The following GRIN2B variants were observed in gnomAD, a reference collection of about 807,000 sequenced individuals.
The protein encoded by GRIN2B is glutamate receptor ionotropic, NMDA 2B.
In GRIN2B, 5 loss-of-function variants were observed where a neutral mutation model predicts 114.5. The ratio of observed to expected loss-of-function variants is 0.04; its 90% CI spans 0.02 to 0.09. The LOEUF (loss-of-function observed/expected upper bound fraction) is 0.09, where lower values mean the gene tolerates loss of function less well. Among genes scored for constraint, GRIN2B ranks in the 10% least tolerant of loss-of-function variants. The pLI is 1.00. For missense variants in GRIN2B, 1,108 were observed against 1,943.5 expected (o/e 0.57, Z 8.08); for synonymous variants, 787 against 745.1 (o/e 1.06, Z -0.92).
intron 2 of GRIN2B, among the ~76,000 whole-genome samples, chr12:13,885,857 T>A (rs923506632): frequency 5.3e-5 from 8 of 152,218 alleles, no homozygotes; most frequent in African/African-American, 1.9e-4. Context: ...ATGCAGTGTT[T>A]CTCAAAATAA....
At chr12:13,626,048 C>A (rs1056649123) in intron 5 of GRIN2B, among the ~76,000 whole-genome samples, 4 of 152,178 alleles carry the variant, frequency 2.6e-5, no homozygotes, top group African/African-American at 9.7e-5. Context: ...ACTCTCCATC[C>A]TTGGGAAGCC....
At position 13,819,483 on chromosome 12, in the gene GRIN2B, A is replaced by C. The variant is rs186471022; in HGVS notation, c.411+46315T>G. 1.7e-3 allele frequency among the ~76,000 whole-genome samples: 254 copies of C among 152,240 alleles called. 1 individual carries two copies. The highest frequency in any genetic ancestry group is 5.8e-3 in the African/African-American group (242 of 41,546). On this transcript the variant is annotated intron_variant, in intron 3 of 13. Transcript: ENST00000609686. ...ATCCCTGAAAGGGAATATATAATAAATCTCCACTTCTTTAAGATCCTAGGA... is the reference window on the plus strand; with the variant it reads ...ATCCCTGAAAGGGAATATATAATAACTCTCCACTTCTTTAAGATCCTAGGA...
At position 13,959,587 on chromosome 12, in the gene GRIN2B, G is replaced by A. The variant is rs570327349; in HGVS notation, c.-19+20341C>T. The stretch of plus-strand genomic sequence containing the variant: ...AAATGAGGATCCAAGGAAACCATGC[G>A]GAGGGAGAACCGGCTGACATTGGCA... On this transcript the variant is annotated intron_variant, in intron 2 of 13. Transcript: ENST00000609686. Among the ~76,000 whole-genome samples the A allele has an allele frequency of 3.3e-5, 5 of 152,188 alleles. No homozygotes were observed. In the South Asian group the frequency reaches 6.2e-4, roughly 19 times the overall value.
At chr12:13,858,682 T>G (rs561215839) in intron 3 of GRIN2B, among the ~76,000 whole-genome samples, 1 of 152,356 alleles carries the variant, frequency 6.6e-6, no homozygotes, top group East Asian at 1.9e-4. Context: ...TTTTAACATA[T>G]TAACACTTCC....
intron 10 of GRIN2B, among the ~76,000 whole-genome samples, chr12:13,599,708 T>C (rs1275472606): frequency 6.6e-6 from 1 of 152,210 alleles, no homozygotes. Context: ...AGCAACTGCC[T>C]TCAACAGTTA....
At chr12:13,595,575 G>T (rs377025506) in intron 10 of GRIN2B, among the ~76,000 whole-genome samples, 4 of 152,196 alleles carry the variant, frequency 2.6e-5, no homozygotes, top group Non-Finnish European at 5.9e-5. Flanking sequence ...ACCCTGTCTG[G>T]TGCTGAGAAC....
At chr12:13,802,435 C>G (rs1864532220) in intron 3 of GRIN2B, among the ~76,000 whole-genome samples, 1 of 152,044 alleles carries the variant, frequency 6.6e-6, no homozygotes, top group South Asian at 2.1e-4. Context: ...GATGTTGGTA[C>G]TATTTGACCA....
In GRIN2B at chr12:13,904,816, C is replaced by T. The variant is rs182699671; in HGVS notation, c.-18-38590G>A. Among the ~76,000 whole-genome samples the T allele has an allele frequency of 2.4e-3, 367 of 152,160 alleles. 3 individuals carry two copies. The highest frequency in any genetic ancestry group is 4.3e-3 in the Non-Finnish European group (289 of 67,960). ...TCTTGAGAAGTCAGGAGTTCATCTGCCTATCATTTCTCAAAAATAATCTTC... is the reference window on the plus strand; with the variant it reads ...TCTTGAGAAGTCAGGAGTTCATCTGTCTATCATTTCTCAAAAATAATCTTC... On this transcript the variant is annotated intron_variant, in intron 2 of 13. Transcript: ENST00000609686.
At chr12:13,602,095 G>C (rs1391550822) in intron 10 of GRIN2B, among the ~76,000 whole-genome samples, 1 of 152,154 alleles carries the variant, frequency 6.6e-6, no homozygotes, top group Admixed American at 6.5e-5. Context: ...CATGGAAAGG[G>C]CCAGACTGGC....
chr12:13,908,879 T>C (rs755754004), intron 2 of GRIN2B, among the ~76,000 whole-genome samples: 16 of 152,178 alleles, frequency 1.1e-4, no homozygotes, highest in Non-Finnish European at 2.4e-4. Context: ...AGTGGTCTGA[T>C]AAGTGCATAA....
Position 13,636,867 on chromosome 12 carries a change from T to C in GRIN2B, c.1126-20210A>G, listed in dbSNP as rs144797630. ...GGAGATATTAATAATACCTAAATCA[T>C]AGGGTTGCTATGAAGATTAAACAAG... is the stretch of plus-strand genomic sequence containing the variant. On this transcript the variant is annotated intron_variant, in intron 5 of 13. Transcript: ENST00000609686. Among the ~76,000 whole-genome samples, 323 of 152,268 alleles carry C rather than the reference T, an allele frequency of 2.1e-3. 2 individuals are homozygous for C. Among genetic ancestry groups the C allele is most frequent in the African/African-American group, 7.4e-3 (307 of 41,548 alleles).
intron 4 of GRIN2B, among the ~76,000 whole-genome samples, chr12:13,688,803 G>C (rs533438643): frequency 5.3e-4 from 81 of 152,192 alleles, no homozygotes; most frequent in Non-Finnish European, 9.3e-4. Flanking sequence ...TATTTCTTTG[G>C]AGCTATAGTC....
intron 5 of GRIN2B, among the ~76,000 whole-genome samples, chr12:13,622,502 G>C (rs900910584): frequency 2.0e-5 from 3 of 152,004 alleles, no homozygotes; most frequent in African/African-American, 7.2e-5. Context: ...TTTAATGTTT[G>C]AGTATATGAT....
rs900959660 is a variant in GRIN2B at position 13,539,804 on chromosome 12, A to C, written c.*22979T>G. ...TGAGAAATAGCAACTAATTGTATGG[A>C]CCTTATGACTTATGGGAAAAAAACC... On this transcript the variant is annotated 3_prime_UTR_variant, in exon 14 of 14. Coordinates refer to ENST00000609686, the MANE Select transcript of GRIN2B (RefSeq NM_000834.5). 4.6e-5 allele frequency: 7 copies of C among 152,144 alleles called. No individual in the cohort carries two copies. The highest frequency in any genetic ancestry group is 8.8e-5 in the Non-Finnish European group (6 of 68,026). 9.4% of individuals were successfully genotyped at this position (152,144 alleles called of 1,614,324 possible). A position where few individuals can be genotyped will look rare whatever the true frequency, so the allele number is the denominator to read the frequency against.
intron 9 of GRIN2B, among the ~76,000 whole-genome samples, chr12:13,609,356 G>C (rs1285704527): frequency 6.6e-6 from 1 of 152,186 alleles, no homozygotes; most frequent in Non-Finnish European, 1.5e-5. Context: ...GGCTTAGAAT[G>C]CACTTTTTCC....
intron 3 of GRIN2B, among the ~76,000 whole-genome samples, chr12:13,766,011 C>T (rs1863778373): frequency 6.6e-6 from 1 of 152,166 alleles, no homozygotes; most frequent in Non-Finnish European, 1.5e-5. Context: ...TTCATTAATT[C>T]CTTAAGCTTC....
chr12:13,844,243 C>T (rs1865432174), intron 3 of GRIN2B, among the ~76,000 whole-genome samples: 2 of 152,168 alleles, frequency 1.3e-5, no homozygotes, highest in Non-Finnish European at 2.9e-5. Context: ...GCCTTTTGTT[C>T]ACTAAACTGA....
At chr12:13,619,905 G>T (rs1043473390) in intron 5 of GRIN2B, among the ~76,000 whole-genome samples, 2 of 152,226 alleles carry the variant, frequency 1.3e-5, no homozygotes, top group African/African-American at 4.8e-5. Flanking sequence ...GACAATGAAG[G>T]AGTAAGACAT....
chr12:13,762,875 GT>G (rs148959567), intron 3 of GRIN2B, among the ~76,000 whole-genome samples: 7 of 149,602 alleles, frequency 4.7e-5, no homozygotes, highest in South Asian at 2.1e-4. Flanking sequence ...TTCTGAGAAA[GT>G]TTTTTTTTTG....
Sources: allele counts gnomAD v4.1 joint callset (sites outside exome capture counted in the v4.1 genomes callset), GRCh38; gene constraint gnomAD v4.1.1; transcripts MANE v1.5; gene names NCBI Gene and HGNC (gene_info 2026-07-23, HGNC 2026-07-21).